Variants in COL19A1 observed in about 807,000 individuals in gnomAD.
COL19A1 encodes collagen alpha-1(XIX) chain.
Under a neutral mutation model 190.2 loss-of-function variants are expected in COL19A1, and 159 were observed. That is an observed-to-expected ratio of 0.84 (90% CI 0.73 to 0.95). COL19A1 has a LOEUF of 0.95. Ranked by LOEUF, COL19A1 falls within the 40% of genes least tolerant of loss-of-function variation. COL19A1 has a pLI of 0.00. For missense variants in COL19A1, 1,418 were observed against 1,431.9 expected (o/e 0.99, Z 0.16); for synonymous variants, 509 against 458.9 (o/e 1.11, Z -1.39).
intron 11 of COL19A1, among the ~76,000 whole-genome samples, chr6:69,973,583 A>G (rs1775547967): frequency 6.6e-6 from 1 of 151,738 alleles, no homozygotes; most frequent in Non-Finnish European, 1.5e-5. Context: ...TTATACACAC[A>G]GGGTTTTTAA....
intron 11 of COL19A1, among the ~76,000 whole-genome samples, chr6:69,976,203 AG>A (rs1317453844): frequency 6.6e-6 from 1 of 152,186 alleles, no homozygotes; most frequent in Non-Finnish European, 1.5e-5. Flanking sequence ...ATGAGCTCTT[AG>A]TTATCTGCCC....
chr6:69,872,552 C>T (rs1767903809), intron 1 of COL19A1, among the ~76,000 whole-genome samples: 1 of 151,970 alleles, frequency 6.6e-6, no homozygotes, highest in Non-Finnish European at 1.5e-5. Context: ...TCGATAGGTG[C>T]CTTAATGATT....
Position 70,074,940 on chromosome 6 carries a change from G to A in COL19A1, c.1224+6464G>A, listed in dbSNP as rs116329832. On this transcript the variant is annotated intron_variant, in intron 15 of 50. Coordinates refer to ENST00000620364, the MANE Select transcript of COL19A1 (RefSeq NM_001858.6). ...TTAAATAATAGTTTTAACTCTGGTC[G>A]TAGGTAGAAAAAAAGCATCTTTTTT... Among the ~76,000 whole-genome samples, 356 of 147,774 alleles carry A rather than the reference G, an allele frequency of 2.4e-3. 6 individuals are homozygous for A. The highest frequency in any genetic ancestry group is 8.8e-3 in the African/African-American group (331 of 37,472).
At chr6:69,911,126 ACAGT>A (rs1222997405) in intron 4 of COL19A1, among the ~76,000 whole-genome samples, 1 of 152,220 alleles carries the variant, frequency 6.6e-6, no homozygotes, top group Non-Finnish European at 1.5e-5. Flanking sequence ...CTTCTCAGAC[ACAGT>A]CAGACTGTAG....
At chr6:69,997,026 T>TATATAGAGAGAG (rs576813975) in intron 11 of COL19A1, among the ~76,000 whole-genome samples, 40 of 146,972 alleles carry the variant, frequency 2.7e-4, no homozygotes, top group South Asian at 1.3e-3. Context: ...TATATATATA[T>TATATAGAGAGAG]AGAGAGAGAG....
intron 15 of COL19A1, among the ~76,000 whole-genome samples, chr6:70,094,136 A>G (rs1783097200): frequency 6.6e-6 from 1 of 152,214 alleles, no homozygotes; most frequent in African/African-American, 2.4e-5. Context: ...TGTACTTAAC[A>G]TATTATGTCT....
chr6:69,973,786 A>G (rs993457828), intron 11 of COL19A1: 7 of 152,240 alleles, frequency 4.6e-5, no homozygotes, highest in Non-Finnish European at 1.5e-5. Flanking sequence ...GTAAAAAGAT[A>G]ATTAATTCGA....
intron 48 of COL19A1, among the ~76,000 whole-genome samples, chr6:70,195,153 A>G (rs1390104519): frequency 6.8e-6 from 1 of 147,632 alleles, no homozygotes; most frequent in Non-Finnish European, 1.5e-5. Context: ...ATATATATAT[A>G]TATATATATA....
chr6:69,927,791 A>G, intron 4 of COL19A1, 118 bp from the exon 5 acceptor site: 1 of 1,286,230 alleles, frequency 7.8e-7, no homozygotes, highest in East Asian at 2.4e-5. Flanking sequence ...TGCATAAGTT[A>G]CACATTTACT....
At chr6:69,973,106 A>C (rs1267616729) in intron 11 of COL19A1, among the ~76,000 whole-genome samples, 1 of 152,220 alleles carries the variant, frequency 6.6e-6, no homozygotes, top group African/African-American at 2.4e-5. Flanking sequence ...AGGCAACTTG[A>C]CTTTTAGTAG....
intron 15 of COL19A1, among the ~76,000 whole-genome samples, chr6:70,083,524 CT>C (rs1782402877): frequency 6.6e-6 from 1 of 152,104 alleles, no homozygotes; most frequent in Non-Finnish European, 1.5e-5. Context: ...AAAACCAGTC[CT>C]TTCCCATAGA....
intron 11 of COL19A1, among the ~76,000 whole-genome samples, chr6:69,982,955 G>A (rs964340094): frequency 6.7e-6 from 1 of 150,256 alleles, no homozygotes; most frequent in Admixed American, 6.7e-5. Context: ...CTGAGCAACA[G>A]AGCGAGACTC....
intron 12 of COL19A1, among the ~76,000 whole-genome samples, chr6:70,028,890 A>G (rs1397585697): frequency 1.3e-5 from 2 of 152,080 alleles, no homozygotes; most frequent in Non-Finnish European, 2.9e-5. Flanking sequence ...ACCAAGTTAA[A>G]TAAAACACAT....
At chr6:70,200,255 A>C (rs986396353) in intron 49 of COL19A1, among the ~76,000 whole-genome samples, 1 of 152,192 alleles carries the variant, frequency 6.6e-6, no homozygotes, top group Non-Finnish European at 1.5e-5. Context: ...ATGTTAAAGA[A>C]TTTTTCACAT....
rs137999547 is a variant in COL19A1 at position 70,045,630 on chromosome 6, A to G, written c.1170+9691A>G. The stretch of plus-strand genomic sequence containing the variant: ...TTGTTCTTTTAAGCTAAGCTGAGCT[A>G]CTTGCAGTTTGCACTGTGTATGTTT... On this transcript the variant is annotated intron_variant, in intron 14 of 50. Coordinates refer to ENST00000620364, the MANE Select transcript of COL19A1 (RefSeq NM_001858.6). Among the ~76,000 whole-genome samples, 11 of 152,322 alleles carry G rather than the reference A, an allele frequency of 7.2e-5. No individual in the cohort carries two copies. The East Asian group carries it at 1.9e-3, about 27-fold the overall frequency.
chr6:70,121,929 A>G lies in COL19A1; in HGVS notation c.1328A>G (p.Asn443Ser). The G allele has an allele frequency of 6.3e-7, 1 of 1,582,514 alleles. No individual in the cohort carries two copies. The highest frequency in any genetic ancestry group is 8.6e-7 in the Non-Finnish European group (1 of 1,164,672). Residue 443 changes from asparagine to serine, a missense_variant, in exon 17 of 51, where the codon AAC (asparagine) becomes AGC (serine). Asn to Ser is a conservative substitution (Grantham distance 46, BLOSUM62 1). Transcript: ENST00000620364. ...CACCAAACTCTTGGTGGATATTATA[A>G]CAAGGATAACAAGGTATGGCTTCTT... Reference protein sequence around the residue: ...GIHQTLGGYYNKDNKGNDEHE... With the variant: ...GIHQTLGGYYSKDNKGNDEHE...
At chr6:69,911,757 C>T (rs568832847) in intron 4 of COL19A1, among the ~76,000 whole-genome samples, 140 of 152,296 alleles carry the variant, frequency 9.2e-4, no homozygotes, top group African/African-American at 3.2e-3. Context: ...AGCCAGCCTC[C>T]TCTAAGACCT....
intron 16 of COL19A1, among the ~76,000 whole-genome samples, chr6:70,105,888 GA>G (rs1783927679): frequency 6.6e-6 from 1 of 152,118 alleles, no homozygotes; most frequent in Non-Finnish European, 1.5e-5. Flanking sequence ...TCAAATAAGT[GA>G]ATATTTTATA....
intron 14 of COL19A1, among the ~76,000 whole-genome samples, chr6:70,048,210 A>G (rs1290089892): frequency 6.6e-6 from 1 of 152,150 alleles, no homozygotes; most frequent in Non-Finnish European, 1.5e-5. Flanking sequence ...TAAGCAACGG[A>G]GAGAAAATCT....
Sources: allele counts gnomAD v4.1 joint callset (sites outside exome capture counted in the v4.1 genomes callset), GRCh38; gene constraint gnomAD v4.1.1; transcripts MANE v1.5; gene names NCBI Gene and HGNC (gene_info 2026-07-23, HGNC 2026-07-21).